STEAP1B: variants seen among roughly 807,000 people sequenced by gnomAD.
STEAP1B encodes STEAP family member 1B.
In STEAP1B, 13 loss-of-function variants were observed where a neutral mutation model predicts 27.9. The ratio of observed to expected loss-of-function variants is 0.47; its 90% CI spans 0.30 to 0.74. The LOEUF (loss-of-function observed/expected upper bound fraction) is 0.74. STEAP1B is among the 30% of genes least tolerant of loss of function. STEAP1B has a pLI of 0.06. For synonymous variants in STEAP1B, 86 were observed against 107.1 expected (o/e 0.80, Z 1.22); for missense variants, 250 against 298.7 (o/e 0.84, Z 1.20).
At chr7:22,452,644 A>C (rs1290515184) in intron 4 of STEAP1B, among the ~76,000 whole-genome samples, 2 of 152,132 alleles carry the variant, frequency 1.3e-5, no homozygotes, top group Admixed American at 1.3e-4. Flanking sequence ...CCTCTCCCCA[A>C]ATCAATAGAT....
intron 4 of STEAP1B, among the ~76,000 whole-genome samples, chr7:22,442,787 T>C (rs1021038270): frequency 6.6e-6 from 1 of 152,200 alleles, no homozygotes; most frequent in Non-Finnish European, 1.5e-5. Context: ...CAGGGTGTCC[T>C]GGGTTGCCGC....
chr7:22,426,649 A>T (rs946873116), intron 4 of STEAP1B, among the ~76,000 whole-genome samples: 2 of 152,234 alleles, frequency 1.3e-5, no homozygotes, highest in African/African-American at 4.8e-5. Context: ...GAGAATTAGG[A>T]ACTTCAAGCC....
At chr7:22,499,467 T>TA (rs1786498818) in intron 1 of STEAP1B, among the ~76,000 whole-genome samples, 2 of 152,240 alleles carry the variant, frequency 1.3e-5, no homozygotes, top group Admixed American at 6.5e-5. Context: ...AACCTTTTAT[T>TA]ACACGTCAGG....
intron 4 of STEAP1B, among the ~76,000 whole-genome samples, chr7:22,444,598 C>A (rs936765075): frequency 2.6e-5 from 4 of 152,202 alleles, no homozygotes; most frequent in African/African-American, 9.7e-5. Flanking sequence ...CTTGGCCACT[C>A]GCAGCAACCC....
At chr7:22,481,208 C>A (rs751522952) in intron 4 of STEAP1B, among the ~76,000 whole-genome samples, 8 of 152,202 alleles carry the variant, frequency 5.3e-5, no homozygotes, top group Non-Finnish European at 1.0e-4. Context: ...GGCCCAAGGT[C>A]CTGTCAATTC....
intron 4 of STEAP1B, among the ~76,000 whole-genome samples, chr7:22,469,224 A>T (rs1234742465): frequency 6.6e-6 from 1 of 152,160 alleles, no homozygotes; most frequent in Non-Finnish European, 1.5e-5. Flanking sequence ...AAATTTTAAG[A>T]AGTAAAAAAG....
intron 3 of STEAP1B, among the ~76,000 whole-genome samples, 165 bp downstream of exon 3, chr7:22,493,155 CGACT>C (rs1361499685): frequency 6.6e-6 from 1 of 152,050 alleles, no homozygotes; most frequent in Non-Finnish European, 1.5e-5. Context: ...AATATAAAAC[CGACT>C]GACAACCAAG....
intron 4 of STEAP1B, among the ~76,000 whole-genome samples, chr7:22,464,915 T>C (rs1583644208): frequency 2.6e-5 from 2 of 76,116 alleles, no homozygotes; most frequent in East Asian, 6.7e-4. Context: ...AGACCCCCAG[T>C]GGATACCCGA....
intron 4 of STEAP1B, among the ~76,000 whole-genome samples, chr7:22,486,154 TC>T (rs76326951): frequency 0.084 from 12,826 of 152,144 alleles, 657 homozygotes; most frequent in Non-Finnish European, 0.12. Flanking sequence ...TTTTTGAAGC[TC>T]CCCAGGTGAT....
At chr7:22,432,887 C>T (rs1411303888) in intron 4 of STEAP1B, among the ~76,000 whole-genome samples, 1 of 152,204 alleles carries the variant, frequency 6.6e-6, no homozygotes, top group Non-Finnish European at 1.5e-5. Context: ...CAATAGCAGC[C>T]TCGTCTCTTG....
intron 4 of STEAP1B, among the ~76,000 whole-genome samples, chr7:22,476,203 A>G (rs1224660778): frequency 6.6e-6 from 1 of 152,236 alleles, no homozygotes; most frequent in Non-Finnish European, 1.5e-5. Flanking sequence ...TTGCCATGTC[A>G]CAAATTACCA....
At position 22,425,415 on chromosome 7, in the gene STEAP1B, A is replaced by G. The variant is rs1785093665; in HGVS notation, c.763-5579T>C. The stretch of plus-strand genomic sequence containing the variant: ...AGCCCAACAGAGCAATTGCTACCAT[A>G]TATCAAAAGCAACCCTGCAATTAAG... On this transcript the variant is annotated intron_variant, in intron 4 of 4. Coordinates refer to ENST00000678116, the MANE Select transcript of STEAP1B (RefSeq NM_001382447.1). Among the ~76,000 whole-genome samples, 4 of 152,346 alleles carry G rather than the reference A, an allele frequency of 2.6e-5. No homozygotes were observed. In the South Asian group the frequency reaches 6.2e-4, roughly 24 times the overall value.
At chr7:22,432,208 C>T (rs1168479332) in intron 4 of STEAP1B, among the ~76,000 whole-genome samples, 1 of 151,844 alleles carries the variant, frequency 6.6e-6, no homozygotes, top group Non-Finnish European at 1.5e-5. Flanking sequence ...CTGCTTGTGC[C>T]TTGATTTTGA....
chr7:22,481,174 G>C (rs763540326), intron 4 of STEAP1B, among the ~76,000 whole-genome samples: 3 of 152,162 alleles, frequency 2.0e-5, no homozygotes, highest in Non-Finnish European at 4.4e-5. Context: ...TGTGACCGCC[G>C]CTATGGGTTT....
At chr7:22,466,901 C>T (rs184508948) in intron 4 of STEAP1B, among the ~76,000 whole-genome samples, 4 of 152,316 alleles carry the variant, frequency 2.6e-5, no homozygotes, top group Non-Finnish European at 4.4e-5. Flanking sequence ...GTTACTTTGC[C>T]TCTCTTTGAT....
At chr7:22,455,626 T>C (rs1785565570) in intron 4 of STEAP1B, among the ~76,000 whole-genome samples, 1 of 152,212 alleles carries the variant, frequency 6.6e-6, no homozygotes. Flanking sequence ...CTTTATCAGA[T>C]GCATATATTG....
chr7:22,428,314 G>C (rs1785135168), intron 4 of STEAP1B, among the ~76,000 whole-genome samples: 1 of 152,168 alleles, frequency 6.6e-6, no homozygotes, highest in South Asian at 2.1e-4. Context: ...TTCCCCAAAA[G>C]TATAACTTTC....
intron 4 of STEAP1B, among the ~76,000 whole-genome samples, chr7:22,472,566 T>C (rs1223921917): frequency 2.0e-5 from 3 of 152,208 alleles, no homozygotes; most frequent in African/African-American, 2.4e-5. Flanking sequence ...TAATTCAACA[T>C]TGAATCTAAC....
chr7:22,421,548 C>T (rs1024826181), intron 4 of STEAP1B, among the ~76,000 whole-genome samples: 1 of 152,260 alleles, frequency 6.6e-6, no homozygotes, highest in Non-Finnish European at 1.5e-5. Flanking sequence ...GGGTTTCTCC[C>T]TGTTGCCTGC....
Sources: allele counts gnomAD v4.1 joint callset (sites outside exome capture counted in the v4.1 genomes callset), GRCh38; gene constraint gnomAD v4.1.1; transcripts MANE v1.5; gene names NCBI Gene and HGNC (gene_info 2026-07-23, HGNC 2026-07-21).